The following ZNF793 variants were observed in gnomAD, a reference collection of about 807,000 sequenced individuals.
ZNF793 encodes the protein zinc finger protein 793.
ZNF793 carries 5 observed loss-of-function variants against 12.4 expected under a neutral mutation model. That is an observed-to-expected ratio of 0.40 (90% confidence interval 0.21 to 0.84). The LOEUF is 0.84. ZNF793 is among the 40% of genes least tolerant of loss of function. ZNF793 has a pLI of 0.35. For missense variants in ZNF793, 456 were observed against 495.0 expected (o/e 0.92, Z 0.75); for synonymous variants, 162 against 172.4 (o/e 0.94, Z 0.47).
intron 5 of ZNF793, among the ~76,000 whole-genome samples, chr19:37,527,195 C>G (rs547829411): frequency 6.6e-6 from 1 of 152,146 alleles, no homozygotes; most frequent in East Asian, 1.9e-4. Flanking sequence ...GTGATCCACC[C>G]GCCTATGTGC....
rs556811726 is a variant in ZNF793, at chr19:37,509,946, A to G, written c.-276+1543A>G. Among the ~76,000 whole-genome samples, 237 of 152,170 alleles carry G rather than the reference A, an allele frequency of 1.6e-3. 6 individuals carry two copies. The highest frequency in any genetic ancestry group is 2.1e-3 in the Non-Finnish European group (142 of 68,004). On this transcript the variant is annotated intron_variant, in intron 2 of 7. Transcript: ENST00000627814. Reference sequence around the variant, plus strand: ...TTTTTGATCTCTAATTTAATGGGATATTCATTGGGGGGGAGGAGCACCATG... The same window carrying G: ...TTTTTGATCTCTAATTTAATGGGATGTTCATTGGGGGGGAGGAGCACCATG...
intron 5 of ZNF793, among the ~76,000 whole-genome samples, chr19:37,527,755 A>G (rs997014990): frequency 2.6e-5 from 4 of 152,200 alleles, no homozygotes; most frequent in East Asian, 1.9e-4. Context: ...CTAATTTACT[A>G]GAAGGACTCA....
intron 2 of ZNF793, among the ~76,000 whole-genome samples, chr19:37,519,045 T>A (rs1285651361): frequency 2.0e-5 from 3 of 152,060 alleles, no homozygotes; most frequent in Non-Finnish European, 4.4e-5. Context: ...GGTGGGCGGA[T>A]CACGAGGTCA....
chr19:37,533,961 G>C (rs924837208), intron 7 of ZNF793: 1 of 158,294 alleles, frequency 6.3e-6, no homozygotes, highest in Non-Finnish European at 1.4e-5. Flanking sequence ...GTACCCTGAG[G>C]GCTGATGGAT....
chr19:37,532,807 G>A (rs571258281), intron 6 of ZNF793, among the ~76,000 whole-genome samples: 1 of 151,904 alleles, frequency 6.6e-6, no homozygotes, highest in East Asian at 1.9e-4. Context: ...CAACAAGAGC[G>A]AAACTGTCTC....
chr19:37,537,456 T>A lies in ZNF793; in HGVS notation c.798T>A (p.His266Gln). 6.2e-7 allele frequency: 1 copy of A among 1,613,768 alleles called. No homozygotes were observed. The highest frequency in any genetic ancestry group is 8.5e-7 in the Non-Finnish European group (1 of 1,179,798). The change falls in exon 8 of 8, where the codon CAT becomes CAA. Residue 266 changes from histidine to glutamine, a missense_variant. By Grantham distance (24) the His-to-Gln change is conservative. Coordinates refer to ENST00000627814, the MANE Select transcript of ZNF793 (RefSeq NM_001013659.3). Reference protein sequence around the residue: ...GCTDCGKAFSHKSTLIKHQRI... With the variant: ...GCTDCGKAFSQKSTLIKHQRI... ...CTGACTGTGGGAAAGCCTTTTCACA[T>A]AAGTCAACCCTCATCAAACACCAGA...
intron 7 of ZNF793, chr19:37,536,654 C>T (rs903478293): frequency 4.4e-6 from 2 of 449,488 alleles, no homozygotes; most frequent in Admixed American, 3.9e-5. Flanking sequence ...ATAAGTTTGC[C>T]AACCTCTGCT....
intron 5 of ZNF793, among the ~76,000 whole-genome samples, chr19:37,524,866 A>C (rs2042401486): frequency 6.6e-6 from 1 of 152,172 alleles, no homozygotes; most frequent in African/African-American, 2.4e-5. Context: ...ATAGTAGACA[A>C]AGTTCTTAAT....
chr19:37,506,844 A>G (rs1299279100), upstream of ZNF793: 6 of 152,136 alleles, frequency 3.9e-5, no homozygotes, highest in Non-Finnish European at 8.8e-5. Context: ...CATACCTCCA[A>G]TTACAGCTTT....
At chr19:37,512,533 C>CAAT (rs1356870371) in intron 2 of ZNF793, among the ~76,000 whole-genome samples, 4 of 151,562 alleles carry the variant, frequency 2.6e-5, no homozygotes, top group African/African-American at 7.3e-5. Flanking sequence ...ATAATACTAA[C>CAAT]AATAATAATA....
At chr19:37,515,761 A>G (rs921666242) in intron 2 of ZNF793, among the ~76,000 whole-genome samples, 1 of 152,244 alleles carries the variant, frequency 6.6e-6, no homozygotes, top group Non-Finnish European at 1.5e-5. Context: ...TGAGATGTAT[A>G]GAAAGTCTTG....
rs200037315 is a variant in ZNF793, at chr19:37,532,473, G to A, written c.133G>A (p.Val45Ile). 4.2e-5 allele frequency: 67 copies of A among 1,605,068 alleles called. No homozygotes were observed. In the African/African-American group the frequency reaches 7.8e-4, roughly 19 times the overall value. ...GATGCTGGAAACCTATAGCAACCTC[G>A]TCTCAGTGGGTAAGAACATCCTCAC... The part of the protein sequence containing the change: ...DVMLETYSNL[V>I]SVGYEGTKPD... The change falls in exon 6 of 8, where the codon GTC (valine) becomes ATC (isoleucine). Residue 45 changes from valine (V) to isoleucine (I), a missense_variant. By Grantham distance (29) the Val-to-Ile change is conservative. Coordinates refer to ENST00000627814, the MANE Select transcript of ZNF793 (RefSeq NM_001013659.3).
chr19:37,507,106 AG>A (rs2042255293), intron 1 of ZNF793, 140 bp downstream of exon 1: 1 of 152,372 alleles, frequency 6.6e-6, no homozygotes, highest in African/African-American at 2.4e-5. Flanking sequence ...CGACTGGGTC[AG>A]CTATGGGTGC....
Position 37,538,343 on chromosome 19 carries a change from C to G in ZNF793, c.*464C>G, listed in dbSNP as rs1488168176. On this transcript the variant is annotated 3_prime_UTR_variant, in exon 8 of 8. Transcript: ENST00000627814. Reference sequence around the variant, plus strand: ...TTTCCCAGGCTGGAGTGCAATGGCACTATCTCGGCTCACTGTAACCTCAGC... The same window carrying G: ...TTTCCCAGGCTGGAGTGCAATGGCAGTATCTCGGCTCACTGTAACCTCAGC... The G allele has an allele frequency of 6.5e-6, 1 of 153,520 alleles. No individual in the cohort carries two copies. The highest frequency in any genetic ancestry group is 1.4e-5 in the Non-Finnish European group (1 of 69,082). 9.5% of individuals were successfully genotyped at this position (153,520 alleles called of 1,614,324 possible). A position where few individuals can be genotyped will look rare whatever the true frequency, so the allele number is the denominator to read the frequency against.
chr19:37,527,872 A>T (rs2042428414), intron 5 of ZNF793, among the ~76,000 whole-genome samples: 1 of 152,074 alleles, frequency 6.6e-6, no homozygotes, highest in Non-Finnish European at 1.5e-5. Context: ...TAATCCCAGC[A>T]CTTTGAGAGG....
At chr19:37,533,664 GCTT>G in intron 7 of ZNF793, 1 of 510,244 alleles carries the variant, frequency 2.0e-6, no homozygotes, top group Non-Finnish European at 3.5e-6. Context: ...ACAAATAAAA[GCTT>G]CTATGATTCT....
In ZNF793 at chr19:37,521,027, G is replaced by T. The variant is rs1445989253; in HGVS notation, c.-147+715G>T. Among the ~76,000 whole-genome samples the T allele has an allele frequency of 2.0e-5, 3 of 150,494 alleles. No individual in the cohort carries two copies. The East Asian group carries it at 5.9e-4, about 29-fold the overall frequency. On this transcript the variant is annotated intron_variant, in intron 3 of 7. Coordinates refer to ENST00000627814, the MANE Select transcript of ZNF793 (RefSeq NM_001013659.3). ...TTTCGAGATGAAGTCTCACTCTGTC[G>T]CCCAGGCTGGAGTGCAGTGGCACAT...
At chr19:37,506,913 G>T (rs2042253229), upstream of ZNF793, 4 of 152,252 alleles carry the variant, frequency 2.6e-5, no homozygotes, top group Admixed American at 2.6e-4. Context: ...CAGCCTCAAA[G>T]TCGCAATTGA....
At chr19:37,525,201 C>G (rs1395796395) in intron 5 of ZNF793, among the ~76,000 whole-genome samples, 1 of 150,750 alleles carries the variant, frequency 6.6e-6, no homozygotes, top group Non-Finnish European at 1.5e-5. Flanking sequence ...TGCAGTGGTG[C>G]AATCTTGGCT....
Sources: gnomAD v4.1 joint callset for allele counts (sites outside exome capture counted in the v4.1 genomes callset) on GRCh38, gnomAD v4.1.1 for gene constraint, MANE v1.5 for transcripts, NCBI Gene and HGNC (gene_info 2026-07-23, HGNC 2026-07-21) for gene names.